The following ABHD18 variants were observed in gnomAD, a reference collection of about 807,000 sequenced individuals.
The protein encoded by ABHD18 is cardiolipin-specific deacylase, mitochondrial.
In ABHD18, 55 loss-of-function variants were observed where a neutral mutation model predicts 65.9. That is an observed-to-expected ratio of 0.84 (90% CI 0.67 to 1.05). ABHD18 has a LOEUF of 1.05. Ranked by LOEUF, ABHD18 falls within the 50% of genes least tolerant of loss-of-function variation. The pLI is 0.00. For missense variants in ABHD18, 533 were observed against 558.5 expected (o/e 0.95, Z 0.46); for synonymous variants, 181 against 180.2 (o/e 1.00, Z -0.04).
intron 10 of ABHD18, among the ~76,000 whole-genome samples, chr4:128,022,764 C>A (rs1446538027): frequency 6.8e-6 from 1 of 147,060 alleles, no homozygotes; most frequent in Non-Finnish European, 1.5e-5. Context: ...GTGACCGATC[C>A]TTTTCTTTTT....
At chr4:128,017,721 G>T (rs578096856) in intron 8 of ABHD18, among the ~76,000 whole-genome samples, 165 of 152,196 alleles carry the variant, frequency 1.1e-3, no homozygotes, top group African/African-American at 3.9e-3. Flanking sequence ...TCAGATATTA[G>T]ATTTAACAGA....
At chr4:128,017,611 G>A in intron 8 of ABHD18, 110 bp downstream of exon 8, 1 of 983,562 alleles carries the variant, frequency 1.0e-6, no homozygotes, top group Non-Finnish European at 1.4e-6. Context: ...TTTAGTAAAA[G>A]TAGGAAGCAG....
intron 2 of ABHD18, 61 bp downstream of exon 2, chr4:127,983,108 ACTTT>A: frequency 1.7e-6 from 2 of 1,183,746 alleles, no homozygotes; most frequent in Non-Finnish European, 2.4e-6. Flanking sequence ...AACATTTAAA[ACTTT>A]GTTATAAAAT....
In ABHD18 at chr4:127,965,603, G is replaced by A. The variant is rs966372466; in HGVS notation, c.-21G>A. ...CTCGATCGCAGGCTTCCACCTGGCG[G>A]CCAGTAAGTAGCCGGTCCGGTTAAG... is the stretch of plus-strand genomic sequence containing the variant. On this transcript the variant is annotated 5_prime_UTR_variant, in exon 1 of 13. Coordinates refer to ENST00000645843, the MANE Select transcript of ABHD18 (RefSeq NM_001358451.3). 2 of 233,460 alleles carry A rather than the reference G, an allele frequency of 8.6e-6. No homozygotes were observed. The highest frequency in any genetic ancestry group is 4.6e-5 in the African/African-American group (2 of 43,480). 14.5% of individuals were successfully genotyped at this position (233,460 alleles called of 1,614,324 possible).
At chr4:127,974,997 C>CAAAAAAAAA (rs34068699) in intron 1 of ABHD18, among the ~76,000 whole-genome samples, 1 of 88,284 alleles carries the variant, frequency 1.1e-5, no homozygotes, top group Non-Finnish European at 2.1e-5. Flanking sequence ...AACTGTGTCT[C>CAAAAAAAAA]AAAAAAAAAA....
At chr4:127,965,649 C>A in intron 1 of ABHD18, 43 bp downstream of exon 1, 1 of 185,724 alleles carries the variant, frequency 5.4e-6, no homozygotes, top group Non-Finnish European at 1.2e-5. Flanking sequence ...GCTAAGAGCT[C>A]CCCGCGCCTC....
At chr4:127,977,865 T>C (rs1490523384) in intron 1 of ABHD18, among the ~76,000 whole-genome samples, 2 of 152,088 alleles carry the variant, frequency 1.3e-5, no homozygotes, top group Non-Finnish European at 2.9e-5. Flanking sequence ...AAATAATTTA[T>C]TAGTAGCAGA....
chr4:128,036,822 T>A lies in ABHD18; in HGVS notation c.*1009T>A, dbSNP rs2149205904. ...AAACTTTACTAAAGATTAGGGTTTT[T>A]AAAAAATGCCAATAGGCCGGGTGCA... On this transcript the variant is annotated 3_prime_UTR_variant, in exon 13 of 13. Coordinates refer to ENST00000645843, the MANE Select transcript of ABHD18 (RefSeq NM_001358451.3). 1 of 151,474 alleles carries A rather than the reference T, an allele frequency of 6.6e-6. No homozygotes were observed. Among genetic ancestry groups the A allele is most frequent in the Non-Finnish European group, 1.5e-5 (1 of 67,850 alleles). The allele number at this position is 151,474 out of a possible 1,614,324, so 9.4% of individuals were successfully genotyped here.
chr4:127,978,967 C>T (rs1292481197), intron 1 of ABHD18, among the ~76,000 whole-genome samples: 3 of 152,136 alleles, frequency 2.0e-5, no homozygotes, highest in African/African-American at 7.2e-5. Flanking sequence ...GATGAGGTTA[C>T]ATTGTATAAA....
At chr4:127,983,666 A>AT (rs1336597351) in intron 2 of ABHD18, among the ~76,000 whole-genome samples, 5 of 152,182 alleles carry the variant, frequency 3.3e-5, no homozygotes, top group African/African-American at 9.6e-5. Flanking sequence ...GAGTTCGAGA[A>AT]CAGCCTGGCT....
chr4:127,970,704 G>T (rs1728050498), intron 1 of ABHD18, among the ~76,000 whole-genome samples: 1 of 152,080 alleles, frequency 6.6e-6, no homozygotes, highest in African/African-American at 2.4e-5. Flanking sequence ...GACTTTGAGA[G>T]GCTGAGATGG....
At chr4:127,997,864 C>G (rs1338861262) in intron 4 of ABHD18, among the ~76,000 whole-genome samples, 1 of 150,488 alleles carries the variant, frequency 6.6e-6, no homozygotes, top group African/African-American at 2.4e-5. Flanking sequence ...CACCTTTTTC[C>G]TCTCCTCCTC....
intron 4 of ABHD18, among the ~76,000 whole-genome samples, chr4:127,996,880 G>T (rs1350758235): frequency 6.6e-6 from 1 of 152,220 alleles, no homozygotes; most frequent in African/African-American, 2.4e-5. Flanking sequence ...CAGGCAGTCA[G>T]ACCTTATGGT....
In ABHD18 at chr4:128,036,804, ACT is replaced by A; in HGVS notation, c.*992_*993del. 6.6e-6 allele frequency: 1 copy of A among 151,638 alleles called. No homozygotes were observed. Among genetic ancestry groups the A allele is most frequent in the East Asian group, 2.0e-4 (1 of 5,094 alleles). 9.4% of individuals were successfully genotyped at this position (151,638 alleles called of 1,614,324 possible). A position where few individuals can be genotyped will look rare whatever the true frequency, so the allele number is the denominator to read the frequency against. ...TTAGACTTTGCTAGACTAAAACTTT[ACT>A]AAAGATTAGGGTTTTTAAAAAATGC... On this transcript the variant is annotated 3_prime_UTR_variant, in exon 13 of 13. Transcript: ENST00000645843.
At chr4:128,035,558 C>T (rs1579503631) in intron 12 of ABHD18, among the ~76,000 whole-genome samples, 1 of 151,828 alleles carries the variant, frequency 6.6e-6, no homozygotes, top group Admixed American at 6.6e-5. Context: ...GGCGACAGAG[C>T]GAGACCCTGT....
intron 4 of ABHD18, among the ~76,000 whole-genome samples, chr4:127,993,444 G>C (rs1751251019): frequency 6.6e-6 from 1 of 152,138 alleles, no homozygotes; most frequent in South Asian, 2.1e-4. Context: ...AGTCAAATTT[G>C]AAGCATAACT....
chr4:127,993,376 C>A (rs1751241029), intron 4 of ABHD18, among the ~76,000 whole-genome samples: 3 of 152,276 alleles, frequency 2.0e-5, no homozygotes, highest in East Asian at 3.9e-4. Flanking sequence ...AAGTTGACTT[C>A]CTGTCTCTGC....
chr4:128,013,413 G>A (rs542002361), intron 7 of ABHD18, among the ~76,000 whole-genome samples: 1 of 152,164 alleles, frequency 6.6e-6, no homozygotes, highest in South Asian at 2.1e-4. Context: ...GAAATCAAAA[G>A]TTCTGGGCCG....
chr4:127,979,915 C>CAAAAAA (rs59944314), intron 1 of ABHD18, among the ~76,000 whole-genome samples: 5 of 66,454 alleles, frequency 7.5e-5, no homozygotes, highest in Non-Finnish European at 1.2e-4. Context: ...GACTCCATCT[C>CAAAAAA]AAAAAAAAAA....
Sources: gnomAD v4.1 joint callset for allele counts (sites outside exome capture counted in the v4.1 genomes callset) on GRCh38, gnomAD v4.1.1 for gene constraint, MANE v1.5 for transcripts, NCBI Gene and HGNC (gene_info 2026-07-23, HGNC 2026-07-21) for gene names.